Variants in SFMBT1 observed in about 807,000 individuals in gnomAD.
SFMBT1 encodes the protein scm-like with four MBT domains protein 1.
SFMBT1 carries 32 observed loss-of-function variants against 108.7 expected under a neutral mutation model. That is an observed-to-expected ratio of 0.29 (90% CI 0.22 to 0.40). The LOEUF is 0.40. Among genes scored for constraint, SFMBT1 ranks in the 10% least tolerant of loss-of-function variants. SFMBT1 has a pLI of 1.00. For missense variants in SFMBT1, 816 were observed against 1,059.6 expected, an observed-to-expected ratio of 0.77 and a Z score of 3.19; for synonymous variants, 348 against 369.5, an observed-to-expected ratio of 0.94 and a Z score of 0.67.
intron 1 of SFMBT1, among the ~76,000 whole-genome samples, chr3:53,008,748 C>T (rs1698837265): frequency 6.6e-6 from 1 of 151,836 alleles, no homozygotes; most frequent in South Asian, 2.1e-4. Context: ...CATTCTCCTG[C>T]CTCAGCCTCC....
At chr3:53,041,304 G>A (rs1316987308) in intron 1 of SFMBT1, among the ~76,000 whole-genome samples, 1 of 152,096 alleles carries the variant, frequency 6.6e-6, no homozygotes, top group African/African-American at 2.4e-5. Flanking sequence ...GAAGTCATAT[G>A]ATTTTTCTAT....
At chr3:53,024,049 T>C (rs1312823601) in intron 1 of SFMBT1, among the ~76,000 whole-genome samples, 1 of 152,146 alleles carries the variant, frequency 6.6e-6, no homozygotes, top group African/African-American at 2.4e-5. Context: ...GGAGCTTACA[T>C]TCTAGTGAAG....
chr3:52,998,932 C>T lies in SFMBT1; in HGVS notation c.-130-29674G>A, dbSNP rs1044011999. 1.5e-4 allele frequency among the ~76,000 whole-genome samples: 22 copies of T among 150,744 alleles called. 2 individuals carry two copies. Among genetic ancestry groups the T allele is most frequent in the Non-Finnish European group, 2.5e-4 (17 of 67,232 alleles). ...GCTGGCACCCGCAGAGCTGCCCTGC[C>T]GGCCACCGACCACCATGGAGGGAGC... is the stretch of plus-strand genomic sequence containing the variant. On this transcript the variant is annotated intron_variant, in intron 1 of 20. Transcript: ENST00000394752.
At chr3:53,015,835 A>G (rs2106935226) in intron 1 of SFMBT1, among the ~76,000 whole-genome samples, 1 of 152,320 alleles carries the variant, frequency 6.6e-6, no homozygotes, top group African/African-American at 2.4e-5. Context: ...GAATAATGAA[A>G]ATGTTCTAAA....
chr3:52,992,659 A>G (rs1166462750), intron 1 of SFMBT1, among the ~76,000 whole-genome samples: 3 of 152,222 alleles, frequency 2.0e-5, no homozygotes, highest in Non-Finnish European at 4.4e-5. Flanking sequence ...CTAACCAATA[A>G]TTTCATAAAA....
chr3:52,939,344 C>T (rs1025373633), intron 4 of SFMBT1, among the ~76,000 whole-genome samples: 2 of 152,132 alleles, frequency 1.3e-5, no homozygotes, highest in East Asian at 1.9e-4. Flanking sequence ...GAAGCTCAGG[C>T]GGGCAGATCA....
intron 2 of SFMBT1, among the ~76,000 whole-genome samples, chr3:52,960,226 C>A (rs1221744483): frequency 1.3e-5 from 2 of 151,766 alleles, no homozygotes; most frequent in African/African-American, 2.4e-5. Context: ...TGAATACATG[C>A]ATATTAATAT....
chr3:52,975,268 T>C (rs995192889), intron 1 of SFMBT1, among the ~76,000 whole-genome samples: 6 of 152,216 alleles, frequency 3.9e-5, no homozygotes, highest in Non-Finnish European at 5.9e-5. Context: ...CAATGCACCA[T>C]ACATGGCCAT....
intron 10 of SFMBT1, among the ~76,000 whole-genome samples, chr3:52,925,400 A>G (rs992324934): frequency 2.0e-5 from 3 of 152,274 alleles, no homozygotes; most frequent in African/African-American, 7.2e-5. Flanking sequence ...CATAATTTAG[A>G]ACCAACAGAC....
At chr3:52,912,511 A>C (rs757621049) in intron 16 of SFMBT1, 27 bp downstream of exon 16, 3 of 1,577,298 alleles carry the variant, frequency 1.9e-6, no homozygotes, top group Non-Finnish European at 2.6e-6. Context: ...AGTAAAAGTA[A>C]AGAGTAAAAA....
At chr3:52,951,418 C>CT (rs1169590358) in intron 3 of SFMBT1, among the ~76,000 whole-genome samples, 4,402 of 141,514 alleles carry the variant, frequency 0.031, 183 homozygotes, top group African/African-American at 0.088. Context: ...AAAAGAAATT[C>CT]TTTTTTTTTT....
chr3:52,948,170 A>G (rs1258367198), intron 3 of SFMBT1, among the ~76,000 whole-genome samples: 1 of 152,246 alleles, frequency 6.6e-6, no homozygotes, highest in African/African-American at 2.4e-5. Flanking sequence ...ATGAAGTTAA[A>G]TATGGGTAAG....
At chr3:52,977,034 C>A (rs9842974) in intron 1 of SFMBT1, among the ~76,000 whole-genome samples, 39,519 of 152,094 alleles carry the variant, frequency 0.26, 5,252 homozygotes, top group East Asian at 0.33. Flanking sequence ...TTCTCTACAA[C>A]CCACCAGTTC....
chr3:52,929,270 G>A (rs776367344), intron 8 of SFMBT1, among the ~76,000 whole-genome samples: 10 of 151,816 alleles, frequency 6.6e-5, no homozygotes, highest in South Asian at 6.3e-4. Flanking sequence ...ACGGAGTTTC[G>A]CTCTTGTTGC....
chr3:52,918,314 T>C (rs1442046315), intron 13 of SFMBT1, among the ~76,000 whole-genome samples, 170 bp downstream of exon 13: 3 of 152,352 alleles, frequency 2.0e-5, no homozygotes, highest in Middle Eastern at 3.4e-3. Context: ...CTTTTGTATA[T>C]AATGCCATTT....
chr3:52,949,203 T>C (rs1182643127), intron 3 of SFMBT1, among the ~76,000 whole-genome samples: 1 of 152,166 alleles, frequency 6.6e-6, no homozygotes, highest in Admixed American at 6.6e-5. Context: ...TTATTTTAAA[T>C]TTGTTAAGGT....
chr3:52,921,715 G>A lies in SFMBT1; in HGVS notation c.1248C>T (p.Leu416=), dbSNP rs1331988912. 5.6e-6 allele frequency: 9 copies of A among 1,613,944 alleles called. No individual in the cohort carries two copies. Among genetic ancestry groups the A allele is most frequent in the East Asian group, 4.5e-5 (2 of 44,876 alleles). ...AGTGCTGGCACTCACCCTCCAGCTG[G>A]AGCCACAGGTAGGAGCCTCTCACTG... ...ITAVRGSYLW[L]QLEGSKKPIP... The change falls in exon 11 of 21, where the codon CTC becomes CTT. Residue 416 remains leucine (L), a synonymous_variant. Coordinates refer to ENST00000394752, the MANE Select transcript of SFMBT1 (RefSeq NM_016329.4).
intron 1 of SFMBT1, among the ~76,000 whole-genome samples, chr3:52,993,103 T>A (rs1705195312): frequency 6.6e-6 from 1 of 152,234 alleles, no homozygotes; most frequent in Non-Finnish European, 1.5e-5. Flanking sequence ...CAGTTGTTTT[T>A]TTTTTAAGCA....
At chr3:52,984,056 T>C (rs1049558187) in intron 1 of SFMBT1, among the ~76,000 whole-genome samples, 2 of 152,084 alleles carry the variant, frequency 1.3e-5, no homozygotes, top group African/African-American at 2.4e-5. Context: ...AGATGTAAGA[T>C]GGATTTGGTG....
Sources: gnomAD v4.1 joint callset for allele counts (sites outside exome capture counted in the v4.1 genomes callset) on GRCh38, gnomAD v4.1.1 for gene constraint, MANE v1.5 for transcripts, NCBI Gene and HGNC (gene_info 2026-07-23, HGNC 2026-07-21) for gene names.